Variants in FAF1 observed in about 807,000 individuals in gnomAD.
The protein encoded by FAF1 is Fas associated factor 1, also known as FAS-associated factor 1.
Under a neutral mutation model 92.5 loss-of-function variants are expected in FAF1, and 25 were observed. The ratio of observed to expected loss-of-function variants is 0.27; its 90% CI spans 0.20 to 0.38. FAF1 has a LOEUF of 0.38. Among genes scored for constraint, FAF1 ranks in the 10% least tolerant of loss-of-function variants. The pLI is 1.00. For synonymous variants in FAF1, 234 were observed against 273.2 expected (o/e 0.86, Z 1.42); for missense variants, 636 against 793.3 (o/e 0.80, Z 2.38).
intron 15 of FAF1, among the ~76,000 whole-genome samples, chr1:50,497,240 T>C (rs1646909673): frequency 1.3e-5 from 2 of 151,876 alleles, no homozygotes; most frequent in Non-Finnish European, 2.9e-5. Flanking sequence ...GAGAAGACAA[T>C]TGGGCAACAT....
intron 1 of FAF1, among the ~76,000 whole-genome samples, chr1:50,875,260 T>C (rs1644561034): frequency 6.6e-6 from 1 of 152,114 alleles, no homozygotes; most frequent in Admixed American, 6.5e-5. Context: ...TTTGTTGTTT[T>C]ATTTATATAT....
At chr1:50,752,330 C>G (rs1384393621) in intron 4 of FAF1, among the ~76,000 whole-genome samples, 2 of 152,120 alleles carry the variant, frequency 1.3e-5, no homozygotes, top group East Asian at 1.9e-4. Flanking sequence ...TACAGCTATT[C>G]AAATTTTTTA....
At chr1:50,639,898 C>T (rs1225436721) in intron 8 of FAF1, among the ~76,000 whole-genome samples, 1 of 144,172 alleles carries the variant, frequency 6.9e-6, no homozygotes, top group Non-Finnish European at 1.5e-5. Context: ...CATGCCACTG[C>T]ACTCCAGCCT....
rs537373278 is a variant in FAF1 at position 50,781,007 on chromosome 1, C to T, written c.367+6993G>A. The T allele has an allele frequency of 5.2e-4, 245 of 474,614 alleles. 1 individual carries two copies. In the Middle Eastern group the frequency reaches 9.7e-3, roughly 19 times the overall value. The allele number at this position is 474,614 out of a possible 1,614,324, so 29.4% of individuals were successfully genotyped here. On this transcript the variant is annotated intron_variant, in intron 4 of 18. Coordinates refer to ENST00000396153, the MANE Select transcript of FAF1 (RefSeq NM_007051.3). Reference sequence around the variant, plus strand: ...GACTCCAAGGCAGCTTAGCTGATTGCCAACTCACTGGCCACTGTGGGTGAC... The same window carrying T: ...GACTCCAAGGCAGCTTAGCTGATTGTCAACTCACTGGCCACTGTGGGTGAC...
intron 18 of FAF1, among the ~76,000 whole-genome samples, chr1:50,442,097 T>A (rs1166136899): frequency 3.3e-5 from 5 of 152,020 alleles, no homozygotes; most frequent in Non-Finnish European, 7.4e-5. Context: ...TTAAAAAAAA[T>A]CATAATTTTG....
At chr1:50,515,099 T>C (rs544591522) in intron 15 of FAF1, among the ~76,000 whole-genome samples, 13 of 152,314 alleles carry the variant, frequency 8.5e-5, no homozygotes, top group African/African-American at 3.1e-4. Context: ...AAACTGGAGA[T>C]AAGATGAGTA....
chr1:50,853,694 G>A lies in FAF1; in HGVS notation c.114+4235C>T, dbSNP rs973649524. 2.0e-5 allele frequency among the ~76,000 whole-genome samples: 3 copies of A among 151,948 alleles called. No homozygotes were observed. In the South Asian group the frequency reaches 6.2e-4, roughly 32 times the overall value. ...AAGTATATGTCAGATATCTTTCCCTGGATCTGCTACAGATTATTGGAAATT... is the reference window on the plus strand; with the variant it reads ...AAGTATATGTCAGATATCTTTCCCTAGATCTGCTACAGATTATTGGAAATT... On this transcript the variant is annotated intron_variant, in intron 2 of 18. Transcript: ENST00000396153.
intron 15 of FAF1, among the ~76,000 whole-genome samples, chr1:50,517,081 T>C (rs1647245469): frequency 1.3e-5 from 2 of 152,200 alleles, no homozygotes; most frequent in South Asian, 4.1e-4. Context: ...CATGTGCATG[T>C]AAGAGATTTA....
intron 1 of FAF1, among the ~76,000 whole-genome samples, chr1:50,915,572 G>T (rs1211279453): frequency 1.3e-5 from 2 of 152,000 alleles, no homozygotes; most frequent in Non-Finnish European, 2.9e-5. Context: ...CTCAGGAATG[G>T]TATGTACCAG....
intron 2 of FAF1, among the ~76,000 whole-genome samples, chr1:50,853,800 C>A (rs905757709): frequency 2.0e-5 from 3 of 152,004 alleles, no homozygotes; most frequent in African/African-American, 7.2e-5. Context: ...ATCATCTACA[C>A]TATAAAGTTG....
At chr1:50,681,171 C>G (rs987435125) in intron 7 of FAF1, among the ~76,000 whole-genome samples, 1 of 152,122 alleles carries the variant, frequency 6.6e-6, no homozygotes, top group African/African-American at 2.4e-5. Flanking sequence ...CTCAGCCTCC[C>G]AAGTAGCTAG....
chr1:50,617,562 G>A (rs1652978026), intron 8 of FAF1, among the ~76,000 whole-genome samples: 1 of 152,036 alleles, frequency 6.6e-6, no homozygotes, highest in Admixed American at 6.6e-5. Context: ...GTATTTTATT[G>A]AGGAGTTTTG....
Position 50,539,622 on chromosome 1 carries a change from A to G in FAF1, c.1375T>C (p.Ser459Pro). The change falls in exon 14 of 19, where the codon TCA becomes CCA. Residue 459 changes from serine to proline, a missense_variant. Transcript: ENST00000396153. ...ATCACATTCAACACTTCATTAGATGATCGCTTTCCCATAATAATCAGGAAA... is the reference window on the plus strand; with the variant it reads ...ATCACATTCAACACTTCATTAGATGGTCGCTTTCCCATAATAATCAGGAAA... ...PLFLIIMGKR[S>P]SNEVLNVIQG... 2.5e-6 allele frequency: 4 copies of G among 1,612,986 alleles called. No individual in the cohort carries two copies. Among genetic ancestry groups the G allele is most frequent in the Non-Finnish European group, 3.4e-6 (4 of 1,179,302 alleles).
chr1:50,731,110 C>G (rs1488316723), intron 6 of FAF1, among the ~76,000 whole-genome samples: 1 of 152,140 alleles, frequency 6.6e-6, no homozygotes, highest in Non-Finnish European at 1.5e-5. Flanking sequence ...AAAAATTGGA[C>G]ACGAGCTAGA....
chr1:50,629,126 G>A (rs1266393629), intron 8 of FAF1, among the ~76,000 whole-genome samples: 1 of 150,570 alleles, frequency 6.6e-6, no homozygotes, highest in African/African-American at 2.4e-5. Context: ...ATGAGCTTAA[G>A]GCAAAAAGAT....
intron 8 of FAF1, among the ~76,000 whole-genome samples, chr1:50,637,261 C>A (rs545230779): frequency 2.1e-5 from 3 of 140,684 alleles, no homozygotes; most frequent in East Asian, 2.1e-4. Flanking sequence ...CATGGTAAAA[C>A]CCCATTTCTA....
intron 2 of FAF1, among the ~76,000 whole-genome samples, chr1:50,811,677 A>G (rs1281982704): frequency 1.2e-4 from 19 of 152,226 alleles, no homozygotes; most frequent in Admixed American, 1.2e-3. Flanking sequence ...TCAAACTACC[A>G]AGGACATTCT....
intron 1 of FAF1, among the ~76,000 whole-genome samples, chr1:50,952,821 C>T (rs1202508713): frequency 6.6e-6 from 1 of 151,264 alleles, no homozygotes; most frequent in East Asian, 2.0e-4. Flanking sequence ...GCGAGGAGCC[C>T]CTCCGCCCGG....
intron 1 of FAF1, among the ~76,000 whole-genome samples, chr1:50,947,409 TATCTCTATTATTCCCCC>T (rs1420372403): frequency 6.6e-6 from 1 of 152,236 alleles, no homozygotes; most frequent in Non-Finnish European, 1.5e-5. Context: ...TCATTCTTCC[TATCTCTATTATTCCCCC>T]ATAACCACAA....
Sources: gnomAD v4.1 joint callset for allele counts (sites outside exome capture counted in the v4.1 genomes callset) on GRCh38, gnomAD v4.1.1 for gene constraint, MANE v1.5 for transcripts, NCBI Gene and HGNC (gene_info 2026-07-23, HGNC 2026-07-21) for gene names.